The following ABCA1 variants were observed in gnomAD, a reference collection of about 807,000 sequenced individuals.
ABCA1 encodes ATP binding cassette subfamily A member 1.
Under a neutral mutation model 262.5 loss-of-function variants are expected in ABCA1, and 133 were observed. That is an observed-to-expected ratio of 0.51 (90% CI 0.44 to 0.59). ABCA1 has a LOEUF of 0.59. ABCA1 is among the 20% of genes least tolerant of loss of function. The pLI is 0.00. For synonymous variants in ABCA1, 1,022 were observed against 1,043.5 expected (o/e 0.98, Z 0.40); for missense variants, 2,452 against 2,777.5 (o/e 0.88, Z 2.63).
intron 1 of ABCA1, among the ~76,000 whole-genome samples, chr9:104,910,607 C>T (rs1001729188): frequency 6.6e-6 from 1 of 152,132 alleles, no homozygotes; most frequent in Non-Finnish European, 1.5e-5. Context: ...TGTGTATGTG[C>T]GTGTATTCCA....
chr9:104,879,908 A>G (rs904500495), intron 5 of ABCA1, among the ~76,000 whole-genome samples: 3 of 152,224 alleles, frequency 2.0e-5, no homozygotes, highest in Non-Finnish European at 4.4e-5. Context: ...AAAACATTCC[A>G]TAAGAGGAAA....
At chr9:104,886,498 C>T (rs190863378) in intron 3 of ABCA1, among the ~76,000 whole-genome samples, 1 of 152,264 alleles carries the variant, frequency 6.6e-6, no homozygotes, top group Admixed American at 6.5e-5. Context: ...CCAAACAAGG[C>T]CCCTTGCCTA....
chr9:104,785,616 A>G lies in ABCA1; in HGVS notation c.6425T>C (p.Val2142Ala), dbSNP rs1216373793. The stretch of plus-strand genomic sequence containing the variant: ...CGGGTTGGACCCTGCTATTCGTACA[A>G]CTATTGTATAACCATCTCCAAACCT... ...KNRFGDGYTI[V>A]VRIAGSNPDL... The change falls in exon 49 of 50, where the codon GTT (valine) becomes GCT (alanine). Residue 2142 changes from valine (V) to alanine (A), a missense_variant. By Grantham distance (64) the Val-to-Ala change is moderately conservative. This residue lies in a region of ABCA1 where 752 missense variants were observed against 944.5 expected (regional missense o/e 0.80). Coordinates refer to ENST00000374736, the MANE Select transcript of ABCA1 (RefSeq NM_005502.4). 1 of 1,614,104 alleles carries G rather than the reference A, an allele frequency of 6.2e-7. No homozygotes were observed.
chr9:104,894,602 A>G (rs185491983), intron 2 of ABCA1, among the ~76,000 whole-genome samples: 15 of 152,336 alleles, frequency 9.8e-5, no homozygotes, highest in African/African-American at 3.4e-4. Context: ...TACACTGCCC[A>G]ATGGTCCAAG....
intron 42 of ABCA1, 68 bp from the exon 43 acceptor site, chr9:104,792,066 A>C (rs1245177437): frequency 1.8e-5 from 26 of 1,428,732 alleles, no homozygotes; most frequent in Non-Finnish European, 2.5e-5. Flanking sequence ...CAACTGTGGA[A>C]GGCAGGACTA....
chr9:104,862,701 G>GGCAGGGCAGGGCAGGGCAGGGCCCA (rs1368415290), intron 5 of ABCA1, among the ~76,000 whole-genome samples: 1 of 1,816 alleles, frequency 5.5e-4, no homozygotes, highest in African/African-American at 1.6e-3. Flanking sequence ...GGCCGGGCCG[G>GGCAGGGCAGGGCAGGGCAGGGCCCA]CCCCCACCCC....
chr9:104,816,657 G>A (rs1831801735), intron 24 of ABCA1, among the ~76,000 whole-genome samples: 1 of 150,704 alleles, frequency 6.6e-6, no homozygotes, highest in Non-Finnish European at 1.5e-5. Flanking sequence ...GTGGGTGGGT[G>A]GATGGGTGAA....
chr9:104,818,746 A>G lies in ABCA1; in HGVS notation c.3379T>C (p.Tyr1127His). 1.2e-6 allele frequency: 2 copies of G among 1,613,964 alleles called. No individual in the cohort carries two copies. Among genetic ancestry groups the G allele is most frequent in the South Asian group, 2.2e-5 (2 of 91,072 alleles). Residue 1127 changes from tyrosine (Y) to histidine (H), a missense_variant, in exon 23 of 50, where the codon TAC (tyrosine) becomes CAC (histidine). Physicochemically the swap from Tyr to His is moderately conservative, Grantham distance 83. Around this residue, in one of 4 missense-constraint regions of ABCA1, gnomAD observed 665 missense variants for 727.3 expected, o/e 0.91. Coordinates refer to ENST00000374736, the MANE Select transcript of ABCA1 (RefSeq NM_005502.4). Reference protein sequence around the residue: ...FLKNQLGTGYYLTLVKKDVES... With the variant: ...FLKNQLGTGYHLTLVKKDVES... ...ACATCTTTCTTGACCAAGGTCAGGTAGTAGCCTGTTCCCAGCTGGTTCTTC... is the reference window on the plus strand; with the variant it reads ...ACATCTTTCTTGACCAAGGTCAGGTGGTAGCCTGTTCCCAGCTGGTTCTTC...
intron 18 of ABCA1, among the ~76,000 whole-genome samples, chr9:104,823,332 A>C (rs896029314): frequency 2.6e-5 from 4 of 152,222 alleles, no homozygotes; most frequent in Admixed American, 1.3e-4. Context: ...GCACACACAC[A>C]CACAAATGAG....
At position 104,792,810 on chromosome 9, in the gene ABCA1, G is replaced by A. The variant is rs748163361; in HGVS notation, c.5733C>T (p.Ile1911=). 6.2e-7 allele frequency: 1 copy of A among 1,613,938 alleles called. No homozygotes were observed. Among genetic ancestry groups the A allele is most frequent in the African/African-American group, 1.3e-5 (1 of 74,898 alleles). Residue 1911 remains isoleucine, a synonymous_variant, in exon 42 of 50, where the codon ATC becomes ATT. Coordinates refer to ENST00000374736, the MANE Select transcript of ABCA1 (RefSeq NM_005502.4). The part of the protein sequence containing the change: ...RILDGGGQND[I]LEIKELTKIY... ...CCTTCGTCAACTCCTTGATTTCTAA[G>A]ATGTCATTCTGGCCTCCACCATCAA...
chr9:104,885,569 G>A (rs558422452), intron 3 of ABCA1, among the ~76,000 whole-genome samples: 6 of 152,214 alleles, frequency 3.9e-5, no homozygotes, highest in African/African-American at 1.2e-4. Context: ...AAACAATGAG[G>A]CCCCATGCAC....
chr9:104,910,617 A>G lies in ABCA1; in HGVS notation c.-92-6846T>C, dbSNP rs555120779. 2.6e-5 allele frequency among the ~76,000 whole-genome samples: 4 copies of G among 152,320 alleles called. No individual in the cohort carries two copies. The South Asian group carries it at 8.3e-4, about 32-fold the overall frequency. On this transcript the variant is annotated intron_variant, in intron 1 of 49. Transcript: ENST00000374736. Reference sequence around the variant, plus strand: ...GTGTGTGTGTATGTGCGTGTATTCCACTTTGTTCAACAAACTTCCAAAAAG... The same window carrying G: ...GTGTGTGTGTATGTGCGTGTATTCCGCTTTGTTCAACAAACTTCCAAAAAG...
At chr9:104,884,236 A>C (rs1243600450) in intron 4 of ABCA1, among the ~76,000 whole-genome samples, 191 bp downstream of exon 4, 1 of 152,200 alleles carries the variant, frequency 6.6e-6, no homozygotes, top group East Asian at 1.9e-4. Context: ...TAAATACTCG[A>C]GGTGATGGAT....
intron 7 of ABCA1, chr9:104,855,676 G>A: frequency 6.7e-7 from 1 of 1,493,398 alleles, no homozygotes; most frequent in East Asian, 2.5e-5. Context: ...TTATGTGTAT[G>A]TAGAAGAAGA....
In ABCA1 at chr9:104,784,305, A is replaced by C; in HGVS notation, c.*10T>G. ...CTTTACTTTCAGCCACCCCGTATGAACAGGATTCTTCATACATAGCTTTCT... is the reference window on the plus strand; with the variant it reads ...CTTTACTTTCAGCCACCCCGTATGACCAGGATTCTTCATACATAGCTTTCT... On this transcript the variant is annotated 3_prime_UTR_variant, in exon 50 of 50. Coordinates refer to ENST00000374736, the MANE Select transcript of ABCA1 (RefSeq NM_005502.4). 1.2e-6 allele frequency: 2 copies of C among 1,614,060 alleles called. No homozygotes were observed. Among genetic ancestry groups the C allele is most frequent in the Non-Finnish European group, 1.7e-6 (2 of 1,179,980 alleles).
chr9:104,910,495 A>G (rs776407730), intron 1 of ABCA1, among the ~76,000 whole-genome samples: 4 of 152,204 alleles, frequency 2.6e-5, no homozygotes, highest in Non-Finnish European at 4.4e-5. Flanking sequence ...TAGTTCACAT[A>G]CCCAAAATGT....
chr9:104,802,113 G>A lies in ABCA1; in HGVS notation c.4639C>T (p.Pro1547Ser), dbSNP rs1253880083. 1 of 1,614,128 alleles carries A rather than the reference G, an allele frequency of 6.2e-7. No individual in the cohort carries two copies. The highest frequency in any genetic ancestry group is 8.5e-7 in the Non-Finnish European group (1 of 1,180,028). Residue 1547 changes from proline to serine, a missense_variant, in exon 34 of 50, where the codon CCG (proline) becomes TCG (serine). Around this residue, in one of 4 missense-constraint regions of ABCA1, gnomAD observed 752 missense variants for 944.5 expected, o/e 0.80. Transcript: ENST00000374736. ...LGVSNTQALP[P>S]SQEVNDAIKQ... Reference sequence around the variant, plus strand: ...ATGGCATCATTAACTTCTTGACTCGGAGGAAGTGCTTGAGTATTACTGACA... The same window carrying A: ...ATGGCATCATTAACTTCTTGACTCGAAGGAAGTGCTTGAGTATTACTGACA...
chr9:104,838,925 T>C (rs1834101965), intron 9 of ABCA1, among the ~76,000 whole-genome samples: 1 of 152,052 alleles, frequency 6.6e-6, no homozygotes, highest in African/African-American at 2.4e-5. Flanking sequence ...TTAATTAAAG[T>C]TGCCTACAAT....
chr9:104,843,618 T>A (rs1236364216), intron 8 of ABCA1, among the ~76,000 whole-genome samples: 1 of 152,176 alleles, frequency 6.6e-6, no homozygotes, highest in Non-Finnish European at 1.5e-5. Context: ...ATGGACATGA[T>A]GAGACCCACT....
Sources: allele counts gnomAD v4.1 joint callset (sites outside exome capture counted in the v4.1 genomes callset), GRCh38; gene constraint gnomAD v4.1.1; regional missense constraint gnomAD v4.1.1; transcripts MANE v1.5; gene names NCBI Gene and HGNC (gene_info 2026-07-23, HGNC 2026-07-21).